IFRD1: variants seen among roughly 807,000 people sequenced by gnomAD.
IFRD1 encodes the protein interferon related developmental regulator 1.
Under a neutral mutation model 52.9 loss-of-function variants are expected in IFRD1, and 35 were observed. The observed-to-expected ratio is 0.66, with a 90% confidence interval of 0.51 to 0.88. The LOEUF (loss-of-function observed/expected upper bound fraction) is 0.88. Among genes scored for constraint, IFRD1 ranks in the 40% least tolerant of loss-of-function variants. The probability of loss-of-function intolerance (pLI) is 0.00; values close to 1 mark genes in which losing one functional copy is unlikely to be tolerated. For missense variants in IFRD1, 517 were observed against 550.8 expected, an observed-to-expected ratio of 0.94 and a Z score of 0.61; for synonymous variants, 184 against 188.4, an observed-to-expected ratio of 0.98 and a Z score of 0.19.
At chr7:112,429,672 A>G (rs1794504749) in intron 1 of IFRD1, among the ~76,000 whole-genome samples, 1 of 152,238 alleles carries the variant, frequency 6.6e-6, no homozygotes, top group South Asian at 2.1e-4. Flanking sequence ...TCACTCAGAC[A>G]CACTAAAATG....
At chr7:112,432,700 G>A (rs1374032584) in intron 1 of IFRD1, among the ~76,000 whole-genome samples, 1 of 152,204 alleles carries the variant, frequency 6.6e-6, no homozygotes, top group Admixed American at 6.5e-5. Flanking sequence ...TGGCTTCAGA[G>A]CCCATGCTGC....
intron 4 of IFRD1, chr7:112,458,339 A>G (rs1243105405): frequency 6.5e-6 from 1 of 153,920 alleles, no homozygotes; most frequent in Non-Finnish European, 1.4e-5. Flanking sequence ...AAAAATAAAT[A>G]AAGTTAATAA....
intron 9 of IFRD1, 67 bp downstream of exon 9, chr7:112,468,182 A>G (rs1356130807): frequency 6.7e-7 from 1 of 1,500,150 alleles, no homozygotes; most frequent in Non-Finnish European, 9.3e-7. Context: ...TGAACTTGAC[A>G]ATTGTACCAT....
At chr7:112,473,060 GTGTGTGTATATA>G (rs1795801673) in intron 11 of IFRD1, among the ~76,000 whole-genome samples, 199 bp downstream of exon 11, 1 of 34,226 alleles carries the variant, frequency 2.9e-5, no homozygotes. Context: ...GTGTGTGTGT[GTGTGTGTATATA>G]TGTGTCAGCC....
intron 1 of IFRD1, among the ~76,000 whole-genome samples, chr7:112,424,180 C>T (rs1032725340): frequency 2.6e-5 from 4 of 152,074 alleles, no homozygotes; most frequent in Non-Finnish European, 5.9e-5. Context: ...GTCTTATCTA[C>T]CCTGTGGTCG....
chr7:112,439,704 C>T (rs541295094), intron 1 of IFRD1, among the ~76,000 whole-genome samples: 2 of 152,288 alleles, frequency 1.3e-5, no homozygotes, highest in African/African-American at 4.8e-5. Context: ...AAGGAGAAAT[C>T]TTTCCCTCAA....
upstream of IFRD1, among the ~76,000 whole-genome samples, chr7:112,447,013 T>C (rs539270985): frequency 6.6e-6 from 1 of 152,310 alleles, no homozygotes; most frequent in African/African-American, 2.4e-5. Flanking sequence ...GGAGGTATTA[T>C]TTCTGCTCAG....
upstream of IFRD1, among the ~76,000 whole-genome samples, chr7:112,447,861 C>A (rs1795064082): frequency 6.6e-6 from 1 of 152,028 alleles, no homozygotes; most frequent in African/African-American, 2.4e-5. Context: ...AGTACAGTAT[C>A]TCTCAGAATT....
chr7:112,431,590 T>C (rs568361420), intron 1 of IFRD1, among the ~76,000 whole-genome samples: 6 of 152,308 alleles, frequency 3.9e-5, no homozygotes, highest in African/African-American at 1.4e-4. Flanking sequence ...CCCATCCTAT[T>C]GCAATACTGG....
Position 112,468,027 on chromosome 7 carries a change from C to T in IFRD1, c.953C>T (p.Ala318Val). 4 of 1,613,866 alleles carry T rather than the reference C, an allele frequency of 2.5e-6. No individual in the cohort carries two copies. Among genetic ancestry groups the T allele is most frequent in the Non-Finnish European group, 3.4e-6 (4 of 1,179,864 alleles). The part of the protein sequence containing the change: ...DMESLTQMLR[A>V]LATDGNKHRA... ...GAGTCCTTGACGCAGATGCTTAGGG[C>T]CTTGGCAACAGATGGAAATAAACAC... The change falls in exon 9 of 12, where the codon GCC (alanine) becomes GTC (valine). Residue 318 changes from alanine to valine, a missense_variant. Transcript: ENST00000403825.
chr7:112,473,878 CCTT>C (rs1163519143), intron 11 of IFRD1, among the ~76,000 whole-genome samples: 7 of 152,096 alleles, frequency 4.6e-5, no homozygotes, highest in Admixed American at 6.5e-5. Context: ...CAAAAGAAAA[CCTT>C]CTGTTCATTA....
intron 1 of IFRD1, among the ~76,000 whole-genome samples, chr7:112,429,748 G>T (rs970383900): frequency 6.6e-6 from 1 of 151,756 alleles, no homozygotes; most frequent in Non-Finnish European, 1.5e-5. Flanking sequence ...TTTTTCTTTC[G>T]GGATAAGGCA....
At position 112,458,999 on chromosome 7, in the gene IFRD1, G is replaced by C; in HGVS notation, c.548G>C (p.Ser183Thr). 6.2e-7 allele frequency: 1 copy of C among 1,613,794 alleles called. No homozygotes were observed. Among genetic ancestry groups the C allele is most frequent in the Non-Finnish European group, 8.5e-7 (1 of 1,179,756 alleles). ...LKKIICDGSASMQARQTCATC... is the reference protein window; with the variant it reads ...LKKIICDGSATMQARQTCATC... ...AAAATCATTTGTGATGGGTCAGCTA[G>C]TATGCAGGCTAGGCAAACTGTAAGT... The change falls in exon 5 of 12, where the codon AGT (serine) becomes ACT (threonine). Residue 183 changes from serine (S) to threonine (T), a missense_variant. Transcript: ENST00000403825.
At chr7:112,430,903 C>T (rs1794532597) in intron 1 of IFRD1, among the ~76,000 whole-genome samples, 2 of 152,130 alleles carry the variant, frequency 1.3e-5, no homozygotes, top group African/African-American at 4.8e-5. Flanking sequence ...GCACCGTGTT[C>T]CCCAGCTAAT....
At chr7:112,433,362 A>G (rs902638623) in intron 1 of IFRD1, among the ~76,000 whole-genome samples, 1 of 152,186 alleles carries the variant, frequency 6.6e-6, no homozygotes, top group African/African-American at 2.4e-5. Context: ...GTGCTGAATC[A>G]GTTCCTGGGT....
In IFRD1 at chr7:112,455,780, G is replaced by GTTCA; in HGVS notation, c.113_116dup (p.Gln39HisfsTer5). 2 of 1,610,994 alleles carry GTTCA rather than the reference G, an allele frequency of 1.2e-6. No individual in the cohort carries two copies. Among genetic ancestry groups the GTTCA allele is most frequent in the Non-Finnish European group, 1.7e-6 (2 of 1,177,258 alleles). ...CCTAATAGGTGGCCAGCATCGAAAT[G>GTTCA]TTCAGCCTTTTAGTGATGAAGATGC... On this transcript the variant is annotated frameshift_variant, in exon 2 of 12. Coordinates refer to ENST00000403825, the MANE Select transcript of IFRD1 (RefSeq NM_001550.4). LOFTEE classifies it high-confidence loss of function.
At position 112,431,104 on chromosome 7, in the gene IFRD1, T is replaced by C. The variant is rs543468269; in HGVS notation, c.-182+7672T>C. Among the ~76,000 whole-genome samples the C allele has an allele frequency of 2.0e-5, 3 of 152,298 alleles. No homozygotes were observed. The South Asian group carries it at 6.2e-4, about 32-fold the overall frequency. On this transcript the variant is annotated intron_variant, in intron 1 of 12. Coordinates refer to the IFRD1 transcript ENST00000005558. ...TATTGCTGTTACTACCAGTATCCTG[T>C]GTATCCTGTTGTGGCCAGAAAGCTA...
At chr7:112,431,782 C>T (rs968544686) in intron 1 of IFRD1, among the ~76,000 whole-genome samples, 1 of 152,200 alleles carries the variant, frequency 6.6e-6, no homozygotes, top group Non-Finnish European at 1.5e-5. Flanking sequence ...ACCAAGTATT[C>T]TGTCTATTCA....
upstream of IFRD1, among the ~76,000 whole-genome samples, chr7:112,448,131 A>AAAAG: frequency 6.6e-6 from 1 of 151,544 alleles, no homozygotes; most frequent in East Asian, 1.9e-4. Flanking sequence ...AGATTTAAAA[A>AAAAG]AAAAAAAAAA....
Sources: gnomAD v4.1 joint callset for allele counts (sites outside exome capture counted in the v4.1 genomes callset) on GRCh38, gnomAD v4.1.1 for gene constraint, MANE v1.5 for transcripts, NCBI Gene and HGNC (gene_info 2026-07-23, HGNC 2026-07-21) for gene names.